SORCS3: variants seen among roughly 807,000 people sequenced by gnomAD.
SORCS3 encodes VPS10 domain-containing receptor SorCS3.
In SORCS3, 57 loss-of-function variants were observed where a neutral mutation model predicts 146.3. The observed-to-expected ratio is 0.39, with a 90% CI of 0.31 to 0.49. The LOEUF (loss-of-function observed/expected upper bound fraction) is 0.49. Among genes scored for constraint, SORCS3 ranks in the 20% least tolerant of loss-of-function variants. The probability of loss-of-function intolerance (pLI) is 0.92; values close to 1 mark genes in which losing one functional copy is unlikely to be tolerated. For synonymous variants in SORCS3, 653 were observed against 618.5 expected (o/e 1.06, Z -0.83); for missense variants, 1,341 against 1,575.5 (o/e 0.85, Z 2.52).
chr10:104,820,977 A>C (rs78304339), intron 1 of SORCS3, among the ~76,000 whole-genome samples: 9,332 of 152,272 alleles, frequency 0.061, 312 homozygotes, highest in South Asian at 0.081. Flanking sequence ...AAACAGAAGA[A>C]AGATTGATTG....
Position 104,937,747 on chromosome 10 carries a change from C to T in SORCS3, c.795+21815C>T, listed in dbSNP as rs149697511. On this transcript the variant is annotated intron_variant, in intron 3 of 26. Transcript: ENST00000369701. The stretch of plus-strand genomic sequence containing the variant: ...TGAGTGAGTCAATTCTTGCTCACCT[C>T]AAGGGAGCTTGTTGAAGGTCACTCA... Among the ~76,000 whole-genome samples, 643 of 152,312 alleles carry T rather than the reference C, an allele frequency of 4.2e-3. 4 individuals carry two copies. Among genetic ancestry groups the T allele is most frequent in the African/African-American group, 0.015 (626 of 41,586 alleles).
intron 8 of SORCS3, among the ~76,000 whole-genome samples, chr10:105,141,553 C>T (rs1449723383): frequency 6.6e-6 from 1 of 152,170 alleles, no homozygotes; most frequent in Non-Finnish European, 1.5e-5. Context: ...CATCATTGCC[C>T]TCGCACCTCT....
intron 5 of SORCS3, among the ~76,000 whole-genome samples, chr10:105,072,554 G>C (rs1298689970): frequency 6.6e-6 from 1 of 151,856 alleles, no homozygotes; most frequent in Non-Finnish European, 1.5e-5. Context: ...CGTGTGCTAT[G>C]CATGCTCATT....
At chr10:105,078,674 T>C (rs2055604414) in intron 5 of SORCS3, among the ~76,000 whole-genome samples, 1 of 152,228 alleles carries the variant, frequency 6.6e-6, no homozygotes, top group Non-Finnish European at 1.5e-5. Flanking sequence ...AAGTGTTACA[T>C]ACTGCAAAGT....
intron 20 of SORCS3, among the ~76,000 whole-genome samples, chr10:105,230,801 G>A (rs1402886034): frequency 6.6e-6 from 1 of 152,176 alleles, no homozygotes; most frequent in East Asian, 1.9e-4. Context: ...CCCAGAGCAA[G>A]GCAAAGTCTG....
chr10:104,986,408 A>T (rs982065244), intron 4 of SORCS3, among the ~76,000 whole-genome samples: 1 of 152,230 alleles, frequency 6.6e-6, no homozygotes, highest in African/African-American at 2.4e-5. Flanking sequence ...CTAGACCACT[A>T]AAACTTTCTT....
intron 7 of SORCS3, among the ~76,000 whole-genome samples, chr10:105,116,518 G>A (rs1328274770): frequency 1.3e-5 from 2 of 152,168 alleles, no homozygotes; most frequent in African/African-American, 4.8e-5. Context: ...ATTCGACCCA[G>A]CAATGCCATT....
intron 3 of SORCS3, among the ~76,000 whole-genome samples, chr10:104,928,825 G>A (rs2019177257): frequency 6.6e-6 from 1 of 152,186 alleles, no homozygotes; most frequent in African/African-American, 2.4e-5. Context: ...GCCTTGGTCA[G>A]TGCTGCAGCC....
intron 1 of SORCS3, among the ~76,000 whole-genome samples, chr10:104,703,711 G>GTTTTTTTT (rs11338927): frequency 1.5e-5 from 2 of 135,412 alleles, no homozygotes; most frequent in South Asian, 2.4e-4. Flanking sequence ...CATGTATCCT[G>GTTTTTTTT]TTTTTTTTTT....
intron 4 of SORCS3, among the ~76,000 whole-genome samples, chr10:104,985,243 A>G (rs1453907273): frequency 1.3e-5 from 2 of 152,152 alleles, no homozygotes; most frequent in African/African-American, 2.4e-5. Flanking sequence ...TCATTTCAAC[A>G]ATGTTTACAG....
chr10:104,841,564 G>A (rs1202186084), intron 1 of SORCS3, among the ~76,000 whole-genome samples: 2 of 152,058 alleles, frequency 1.3e-5, no homozygotes, highest in Non-Finnish European at 2.9e-5. Flanking sequence ...AATGGAAATG[G>A]GGCTGATTGA....
chr10:104,650,042 A>G (rs1413573241), intron 1 of SORCS3, among the ~76,000 whole-genome samples: 1 of 152,172 alleles, frequency 6.6e-6, no homozygotes, highest in East Asian at 1.9e-4. Flanking sequence ...CTAGACCTCA[A>G]TGTTACATTT....
intron 1 of SORCS3, among the ~76,000 whole-genome samples, chr10:104,789,126 G>A (rs1410821798): frequency 6.6e-6 from 1 of 152,194 alleles, no homozygotes; most frequent in African/African-American, 2.4e-5. Context: ...TGAGGCCTTT[G>A]ATGACTAGTG....
chr10:104,775,982 CT>C (rs1564680802), intron 1 of SORCS3, among the ~76,000 whole-genome samples: 1 of 152,136 alleles, frequency 6.6e-6, no homozygotes. Context: ...AAATTGAACA[CT>C]TGTTGGTGTT....
At chr10:104,949,471 G>A (rs781666228) in intron 3 of SORCS3, among the ~76,000 whole-genome samples, 6 of 152,202 alleles carry the variant, frequency 3.9e-5, no homozygotes, top group Non-Finnish European at 7.3e-5. Context: ...GGGGTTCAAA[G>A]TGTGTAGTAC....
chr10:105,084,341 A>G (rs918125174), intron 5 of SORCS3, among the ~76,000 whole-genome samples: 5 of 152,232 alleles, frequency 3.3e-5, no homozygotes, highest in African/African-American at 9.6e-5. Flanking sequence ...ATTAGCATTT[A>G]TTACCATTAT....
intron 1 of SORCS3, among the ~76,000 whole-genome samples, chr10:104,712,154 A>G (rs2016425573): frequency 6.6e-6 from 1 of 152,128 alleles, no homozygotes; most frequent in East Asian, 1.9e-4. Flanking sequence ...TACTTTATGT[A>G]TGCATCATCT....
chr10:104,641,432 C>G lies in SORCS3; in HGVS notation c.105C>G (p.Ile35Met). Residue 35 changes from isoleucine to methionine, a missense_variant, in exon 1 of 27, where the codon ATC becomes ATG. Coordinates refer to ENST00000369701, the MANE Select transcript of SORCS3 (RefSeq NM_014978.3). This position sits in a 1 kb window ranked among gnomAD's most constrained non-coding sequence, Gnocchi z 6.4. ...LSTWVLAGAEITWDATGGPGR... is the reference protein window; with the variant it reads ...LSTWVLAGAEMTWDATGGPGR... Reference sequence around the variant, plus strand: ...CGTGGGTCCTGGCCGGCGCCGAGATCACTTGGGACGCGACAGGCGGTCCCG... The same window carrying G: ...CGTGGGTCCTGGCCGGCGCCGAGATGACTTGGGACGCGACAGGCGGTCCCG... 7 of 1,470,860 alleles carry G rather than the reference C, an allele frequency of 4.8e-6. No individual in the cohort carries two copies. Among genetic ancestry groups the G allele is most frequent in the Non-Finnish European group, 6.3e-6 (7 of 1,118,196 alleles). 91.1% of individuals were successfully genotyped at this position (1,470,860 alleles called of 1,614,324 possible).
At chr10:104,802,278 C>T (rs1329605523) in intron 1 of SORCS3, among the ~76,000 whole-genome samples, 1 of 152,016 alleles carries the variant, frequency 6.6e-6, no homozygotes, top group Non-Finnish European at 1.5e-5. Flanking sequence ...ATTAGGCAAT[C>T]AAGATGAGAA....
Sources: gnomAD v4.1 joint callset for allele counts (sites outside exome capture counted in the v4.1 genomes callset) on GRCh38, gnomAD v4.1.1 for gene constraint, Gnocchi (gnomAD v3.1) non-coding constraint, MANE v1.5 for transcripts, NCBI Gene and HGNC (gene_info 2026-07-23, HGNC 2026-07-21) for gene names.